C2orf49: variants seen among roughly 807,000 people sequenced by gnomAD.
C2orf49 encodes the protein tRNA splicing ligase complex subunit 2.
Under a neutral mutation model 20.6 loss-of-function variants are expected in C2orf49, and 11 were observed. The ratio of observed to expected loss-of-function variants is 0.53; its 90% CI spans 0.34 to 0.88. C2orf49 has a LOEUF of 0.88. C2orf49 is among the 40% of genes least tolerant of loss of function. The probability of loss-of-function intolerance (pLI) is 0.02; values close to 1 mark genes in which losing one functional copy is unlikely to be tolerated. For synonymous variants in C2orf49, 134 were observed against 108.5 expected, an observed-to-expected ratio of 1.24 and a Z score of -1.46; for missense variants, 289 against 274.2, an observed-to-expected ratio of 1.05 and a Z score of -0.38.
the C2orf49 span, chr2:105,378,649 C>T: frequency 1.3e-5 from 2 of 156,526 alleles, no homozygotes; most frequent in Non-Finnish European, 2.8e-5. Context: ...GCCATCTGCA[C>T]TCAGCTCCGC....
chr2:105,372,234 T>A, the C2orf49 span, among the ~76,000 whole-genome samples: 2 of 13,570 alleles, frequency 1.5e-4, no homozygotes, highest in Non-Finnish European at 2.6e-4. Flanking sequence ...CATAACTTTC[T>A]TTTTTTTTTG....
chr2:105,339,558 A>G, intron 1 of C2orf49, 25 bp from the exon 2 acceptor site: 1 of 1,573,814 alleles, frequency 6.4e-7, no homozygotes, highest in Non-Finnish European at 8.6e-7. Flanking sequence ...TTGTTTTGAA[A>G]TTACTTTTGT....
the C2orf49 span, among the ~76,000 whole-genome samples, chr2:105,369,446 C>G: frequency 6.6e-6 from 1 of 152,226 alleles, no homozygotes; most frequent in Non-Finnish European, 1.5e-5. Context: ...TTCTCAGCTT[C>G]CTGTACTTCC....
chr2:105,376,864 A>G, the C2orf49 span: 1 of 152,278 alleles, frequency 6.6e-6, no homozygotes, highest in Non-Finnish European at 1.5e-5. Flanking sequence ...CTCATGCTAC[A>G]GCATGGATGA....
In C2orf49 at chr2:105,346,100, C is replaced by A. The variant is rs1030961682; in HGVS notation, c.*729C>A. On this transcript the variant is annotated 3_prime_UTR_variant, in exon 4 of 4. Coordinates refer to ENST00000258457, the MANE Select transcript of C2orf49 (RefSeq NM_024093.3). The stretch of plus-strand genomic sequence containing the variant: ...TACTAGTTTGCCTGCCATTTTATTT[C>A]TTTTACAAAGCAGAAGCATATACCA... 24 of 151,790 alleles carry A rather than the reference C, an allele frequency of 1.6e-4. No individual in the cohort carries two copies. The highest frequency in any genetic ancestry group is 5.1e-4 in the African/African-American group (21 of 41,306). The allele number at this position is 151,790 out of a possible 1,614,324, so 9.4% of individuals were successfully genotyped here.
At chr2:105,349,967 G>A (rs1004154873), downstream of C2orf49, among the ~76,000 whole-genome samples, 1 of 152,144 alleles carries the variant, frequency 6.6e-6, no homozygotes, top group Non-Finnish European at 1.5e-5. Flanking sequence ...TCAAGTGAAT[G>A]CTTCTACTCT....
At chr2:105,362,129 G>T in the C2orf49 span, among the ~76,000 whole-genome samples, 1 of 152,198 alleles carries the variant, frequency 6.6e-6, no homozygotes, top group East Asian at 1.9e-4. Context: ...AAAGCTTAAT[G>T]TTATAAACAT....
At chr2:105,365,544 T>G in the C2orf49 span, among the ~76,000 whole-genome samples, 1,313 of 150,678 alleles carry the variant, frequency 8.7e-3, 17 homozygotes, top group African/African-American at 0.03. Context: ...AAAATAAAAA[T>G]AAAAAGGGGA....
At chr2:105,369,612 A>G in the C2orf49 span, among the ~76,000 whole-genome samples, 1 of 152,246 alleles carries the variant, frequency 6.6e-6, no homozygotes, top group African/African-American at 2.4e-5. Flanking sequence ...GAATCCTAAA[A>G]CAAACATTAC....
chr2:105,385,341 A>C, the C2orf49 span, among the ~76,000 whole-genome samples: 320 of 152,346 alleles, frequency 2.1e-3, no homozygotes, highest in African/African-American at 7.2e-3. Flanking sequence ...AGGAAATAGA[A>C]GGAACACATG....
chr2:105,348,274 GTA>G lies in C2orf49; in HGVS notation c.*2904_*2905del, dbSNP rs2104456953. ...TGGCTTCTCAATGGCTGTAGAGACA[GTA>G]CAGTTTTCCAAAGCAGCCTAATTCA... On this transcript the variant is annotated 3_prime_UTR_variant, in exon 4 of 4. Transcript: ENST00000258457. The G allele has an allele frequency of 6.6e-6, 1 of 152,236 alleles. No individual in the cohort carries two copies. The highest frequency in any genetic ancestry group is 6.5e-5 in the Admixed American group (1 of 15,290). The allele number at this position is 152,236 out of a possible 1,614,324, so 9.4% of individuals were successfully genotyped here.
downstream of C2orf49, among the ~76,000 whole-genome samples, chr2:105,349,555 TA>T (rs1289429671): frequency 1.3e-5 from 2 of 152,220 alleles, no homozygotes; most frequent in African/African-American, 2.4e-5. Context: ...TATTGTGGAA[TA>T]AAAAATAGAG....
In C2orf49 at chr2:105,339,642, T is replaced by C; in HGVS notation, c.159T>C (p.Tyr53=). Residue 53 remains tyrosine, a synonymous_variant, in exon 2 of 4, where the codon TAT becomes TAC. Transcript: ENST00000258457. ...RVNKDSLTDL[Y]VQHAIPLPQR... ...ACAAAGACAGTCTTACTGACCTTTA[T>C]GTCCAACATGCAATACCATTGCCTC... The C allele has an allele frequency of 4.4e-6, 7 of 1,608,658 alleles. No individual in the cohort carries two copies. The highest frequency in any genetic ancestry group is 5.9e-6 in the Non-Finnish European group (7 of 1,178,964).
chr2:105,377,301 A>C, the C2orf49 span, among the ~76,000 whole-genome samples: 12 of 152,164 alleles, frequency 7.9e-5, no homozygotes, highest in African/African-American at 2.9e-4. Flanking sequence ...GGTAAGTGTG[A>C]TGTTCTGTGT....
At chr2:105,337,843 C>T (rs781010106) in intron 1 of C2orf49, among the ~76,000 whole-genome samples, 157 bp downstream of exon 1, 3 of 152,176 alleles carry the variant, frequency 2.0e-5, no homozygotes, top group Non-Finnish European at 4.4e-5. Flanking sequence ...CTCCTCGCTC[C>T]TGCTCCTCGC....
At chr2:105,362,014 G>A in the C2orf49 span, among the ~76,000 whole-genome samples, 1 of 151,988 alleles carries the variant, frequency 6.6e-6, no homozygotes, top group Non-Finnish European at 1.5e-5. Context: ...TAATACAGTT[G>A]GTTTTTACCT....
At chr2:105,372,026 C>T in the C2orf49 span, among the ~76,000 whole-genome samples, 7 of 152,182 alleles carry the variant, frequency 4.6e-5, no homozygotes, top group Admixed American at 4.6e-4. Flanking sequence ...CACCATGCAG[C>T]CCTTCCAGCT....
Position 105,337,614 on chromosome 2 carries a change from C to T in C2orf49, c.27C>T (p.Ser9=). 1 of 1,612,314 alleles carries T rather than the reference C, an allele frequency of 6.2e-7. No individual in the cohort carries two copies. Among genetic ancestry groups the T allele is most frequent in the East Asian group, 2.2e-5 (1 of 44,784 alleles). ...TGGCGGGGGATGTGGGCGGTCGCAG[C>T]TGCACGGACTCGGAACTGCTGCTGC... MAGDVGGR[S]CTDSELLLHP... Residue 9 remains serine (S), a synonymous_variant, in exon 1 of 4, where the codon AGC becomes AGT. Transcript: ENST00000258457.
chr2:105,379,227 T>A, the C2orf49 span, among the ~76,000 whole-genome samples: 1 of 152,242 alleles, frequency 6.6e-6, no homozygotes, highest in Non-Finnish European at 1.5e-5. Flanking sequence ...CACTACTGGC[T>A]GTAACAAGCA....
Sources: gnomAD v4.1 joint callset for allele counts (sites outside exome capture counted in the v4.1 genomes callset) on GRCh38, gnomAD v4.1.1 for gene constraint, MANE v1.5 for transcripts, NCBI Gene and HGNC (gene_info 2026-07-23, HGNC 2026-07-21) for gene names.